Variants in PCLO observed in about 807,000 individuals in gnomAD.
PCLO encodes piccolo presynaptic cytomatrix protein, also known as protein piccolo.
A neutral mutation model predicts 427.5 loss-of-function variants in PCLO; 82 were observed. The ratio of observed to expected loss-of-function variants is 0.19; its 90% CI spans 0.16 to 0.23. PCLO has a LOEUF of 0.23. Ranked by LOEUF, PCLO falls within the 10% of genes least tolerant of loss-of-function variation. The pLI is 1.00. For missense variants in PCLO, 6,239 were observed against 6,115.9 expected (o/e 1.02, Z -0.67); for synonymous variants, 2,357 against 2,155.4 (o/e 1.09, Z -2.59).
chr7:82,873,820 G>C (rs560468398), intron 10 of PCLO, among the ~76,000 whole-genome samples: 1 of 137,764 alleles, frequency 7.3e-6, no homozygotes, highest in African/African-American at 2.7e-5. Context: ...TTCTAGATTG[G>C]GGGGGTGGTT....
At chr7:83,022,436 G>A (rs1788368119) in intron 3 of PCLO, among the ~76,000 whole-genome samples, 2 of 152,136 alleles carry the variant, frequency 1.3e-5, no homozygotes, top group African/African-American at 4.8e-5. Flanking sequence ...GCTGGAAAAT[G>A]ATGGCAATAT....
intron 3 of PCLO, among the ~76,000 whole-genome samples, chr7:83,028,194 A>G (rs1160994972): frequency 3.9e-5 from 6 of 152,176 alleles, no homozygotes; most frequent in Non-Finnish European, 7.4e-5. Context: ...ACATGATTGT[A>G]TATCTAGAAA....
chr7:83,010,365 A>C (rs1379298830), intron 3 of PCLO, among the ~76,000 whole-genome samples: 1 of 151,574 alleles, frequency 6.6e-6, no homozygotes, highest in African/African-American at 2.4e-5. Context: ...AAACCCTTCC[A>C]ATCTATTCCT....
At chr7:83,083,450 T>C (rs1790154291) in intron 3 of PCLO, among the ~76,000 whole-genome samples, 1 of 152,004 alleles carries the variant, frequency 6.6e-6, no homozygotes, top group Admixed American at 6.6e-5. Context: ...GGGTTTCCTT[T>C]TACATTGAGT....
At chr7:82,803,811 T>C (rs1024322308) in intron 21 of PCLO, among the ~76,000 whole-genome samples, 1 of 152,166 alleles carries the variant, frequency 6.6e-6, no homozygotes, top group Non-Finnish European at 1.5e-5. Context: ...TATCCTATAA[T>C]GGTTTTCAAA....
chr7:82,970,883 A>G (rs1252106926), intron 3 of PCLO, among the ~76,000 whole-genome samples: 1 of 151,870 alleles, frequency 6.6e-6, no homozygotes, highest in Admixed American at 6.6e-5. Flanking sequence ...TTTGGACAAT[A>G]TGGGTCATCA....
intron 3 of PCLO, among the ~76,000 whole-genome samples, chr7:83,120,208 C>T (rs1260553022): frequency 2.0e-5 from 3 of 151,696 alleles, no homozygotes; most frequent in Non-Finnish European, 4.4e-5. Context: ...TCGAGACCAG[C>T]CTGGCCAACA....
At chr7:82,869,035 T>C (rs1027487076) in intron 10 of PCLO, among the ~76,000 whole-genome samples, 2 of 152,106 alleles carry the variant, frequency 1.3e-5, no homozygotes, top group African/African-American at 2.4e-5. Flanking sequence ...TATTTCACAA[T>C]TATGTTATAA....
At chr7:82,836,154 T>G (rs1792228379) in intron 15 of PCLO, among the ~76,000 whole-genome samples, 1 of 152,178 alleles carries the variant, frequency 6.6e-6, no homozygotes, top group Admixed American at 6.6e-5. Context: ...TTTGTAACAT[T>G]CTAATTGACA....
rs371126716 is a variant in PCLO, at chr7:83,072,995, G to T, written c.3300+61255C>A. 8.6e-5 allele frequency among the ~76,000 whole-genome samples: 13 copies of T among 151,606 alleles called. No individual in the cohort carries two copies. In the East Asian group the frequency reaches 2.1e-3, roughly 25 times the overall value. ...CTCTGTCTCCCTCTCCCTTCCCTCT[G>T]TCTGTTTTACTAGTCTATTACCTTC... is the stretch of plus-strand genomic sequence containing the variant. On this transcript the variant is annotated intron_variant, in intron 3 of 24. Coordinates refer to ENST00000333891, the MANE Select transcript of PCLO (RefSeq NM_033026.6).
intron 20 of PCLO, among the ~76,000 whole-genome samples, chr7:82,810,031 A>C (rs1394083637): frequency 6.6e-6 from 1 of 151,718 alleles, no homozygotes; most frequent in Non-Finnish European, 1.5e-5. Context: ...TAATATGTAG[A>C]GTAACATTCT....
chr7:82,916,353 A>C lies in PCLO; in HGVS notation c.11633T>G (p.Leu3878Arg). 1 of 1,613,700 alleles carries C rather than the reference A, an allele frequency of 6.2e-7. No individual in the cohort carries two copies. The highest frequency in any genetic ancestry group is 1.1e-5 in the South Asian group (1 of 91,082). ...TGTGTAAGGACTTGTCGGAGGAACT[A>C]GTTGAGATTCTGTTTGGGTTTGTGG... ...IPPQTQTESQ[L>R]VPPTSPYTQY... Residue 3878 changes from leucine (L) to arginine (R), a missense_variant, in exon 7 of 25, where the codon CTA (leucine) becomes CGA (arginine). Leu to Arg is a moderately radical substitution (Grantham distance 102). Coordinates refer to ENST00000333891, the MANE Select transcript of PCLO (RefSeq NM_033026.6).
intron 3 of PCLO, among the ~76,000 whole-genome samples, chr7:83,036,772 C>G (rs1788806805): frequency 6.6e-6 from 1 of 152,008 alleles, no homozygotes; most frequent in African/African-American, 2.4e-5. Flanking sequence ...AATTATTACC[C>G]TTGACGACCC....
chr7:82,826,597 G>T lies in PCLO; in HGVS notation c.14407C>A (p.Leu4803Ile). The change falls in exon 18 of 25, where the codon CTT (leucine) becomes ATT (isoleucine). Residue 4803 changes from leucine to isoleucine, a missense_variant. Physicochemically the swap from Leu to Ile is conservative, Grantham distance 5. This residue lies in a region of PCLO where 877 missense variants were observed against 925.5 expected (regional missense o/e 0.95). Coordinates refer to ENST00000333891, the MANE Select transcript of PCLO (RefSeq NM_033026.6). ...GGAAGTCAGAGGCTTACCTCCCCAA[G>T]GAAGTCGTTGGATGAAAATCTATCA... ...DYDRFSSNDF[L>I]GEVLIDLSST... 6.2e-7 allele frequency: 1 copy of T among 1,602,856 alleles called. No individual in the cohort carries two copies. Among genetic ancestry groups the T allele is most frequent in the Non-Finnish European group, 8.5e-7 (1 of 1,172,360 alleles).
chr7:83,100,573 A>G (rs1024084391), intron 3 of PCLO, among the ~76,000 whole-genome samples: 1 of 152,156 alleles, frequency 6.6e-6, no homozygotes, highest in African/African-American at 2.4e-5. Context: ...CAAATACCGC[A>G]TGTTCTCACT....
At chr7:82,899,574 T>C (rs918580457) in intron 9 of PCLO, among the ~76,000 whole-genome samples, 1 of 151,534 alleles carries the variant, frequency 6.6e-6, no homozygotes, top group African/African-American at 2.4e-5. Context: ...CCATTTTTAG[T>C]ATTATTTTAG....
intron 16 of PCLO, among the ~76,000 whole-genome samples, chr7:82,834,550 G>A (rs1403760866): frequency 2.0e-5 from 3 of 152,154 alleles, no homozygotes; most frequent in Non-Finnish European, 4.4e-5. Context: ...AAATTTTAAT[G>A]TCATAGACAA....
chr7:82,933,414 G>GA (rs1466200725), intron 6 of PCLO, among the ~76,000 whole-genome samples: 1 of 151,704 alleles, frequency 6.6e-6, no homozygotes, highest in Non-Finnish European at 1.5e-5. Context: ...GGTACTTTCA[G>GA]AAAAAATAGG....
chr7:82,838,308 A>G lies in PCLO; in HGVS notation c.14132T>C (p.Ile4711Thr). 6.5e-7 allele frequency: 1 copy of G among 1,533,850 alleles called. No homozygotes were observed. Among genetic ancestry groups the G allele is most frequent in the South Asian group, 1.2e-5 (1 of 85,348 alleles). Residue 4711 changes from isoleucine (I) to threonine (T), a missense_variant, in exon 15 of 25, where the codon ATA becomes ACA. By Grantham distance (89) the Ile-to-Thr change is moderately conservative. Around this residue, in one of 5 missense-constraint regions of PCLO, gnomAD observed 877 missense variants for 925.5 expected, o/e 0.95. Coordinates refer to ENST00000333891, the MANE Select transcript of PCLO (RefSeq NM_033026.6). ...QINYDLGNLI[I>T]HILQARNLVP... ...AAGATTTCTTGCTTGGAGAATATGTATTATGAGATTTCCAAGATCATAGTT... is the reference window on the plus strand; with the variant it reads ...AAGATTTCTTGCTTGGAGAATATGTGTTATGAGATTTCCAAGATCATAGTT...
Sources: allele counts gnomAD v4.1 joint callset (sites outside exome capture counted in the v4.1 genomes callset), GRCh38; gene constraint gnomAD v4.1.1; regional missense constraint gnomAD v4.1.1; transcripts MANE v1.5; gene names NCBI Gene and HGNC (gene_info 2026-07-23, HGNC 2026-07-21).